LRRC37A2: variants seen among roughly 807,000 people sequenced by gnomAD.
The protein encoded by LRRC37A2 is leucine rich repeat containing 37 member A2.
A neutral mutation model predicts 68.8 loss-of-function variants in LRRC37A2; 9 were observed. That is an observed-to-expected ratio of 0.13 (90% CI 0.08 to 0.23). LRRC37A2 has a LOEUF of 0.23. LRRC37A2 is among the 10% of genes least tolerant of loss of function. The pLI is 1.00. For synonymous variants in LRRC37A2, 63 were observed against 367.6 expected, an observed-to-expected ratio of 0.17 and a Z score of 9.48; for missense variants, 168 against 950.4, an observed-to-expected ratio of 0.18 and a Z score of 10.82.
At chr17:46,872,655 C>T in the LRRC37A2 span, 46 of 1,613,662 alleles carry the variant, frequency 2.9e-5, no homozygotes, top group South Asian at 2.2e-4. Context: ...GGAGGGAGCC[C>T]GGCCTGGCTG....
chr17:46,971,109 C>T, the LRRC37A2 span, among the ~76,000 whole-genome samples: 2 of 152,030 alleles, frequency 1.3e-5, no homozygotes, highest in Non-Finnish European at 2.9e-5. Context: ...CCAGCACTTA[C>T]AGTGGATCAT....
the LRRC37A2 span, among the ~76,000 whole-genome samples, chr17:47,020,020 T>C: frequency 6.7e-6 from 1 of 148,748 alleles, no homozygotes; most frequent in Admixed American, 6.7e-5. Context: ...CTCGTTTTCG[T>C]ATCCATTTTT....
the LRRC37A2 span, among the ~76,000 whole-genome samples, chr17:46,928,868 G>C: frequency 6.6e-6 from 1 of 152,042 alleles, no homozygotes; most frequent in South Asian, 2.1e-4. Context: ...GCGATGCTCA[G>C]AACTCTTTCC....
chr17:46,956,111 G>A, the LRRC37A2 span, among the ~76,000 whole-genome samples: 1 of 152,088 alleles, frequency 6.6e-6, no homozygotes, highest in African/African-American at 2.4e-5. Flanking sequence ...CAGTTAGCAG[G>A]AGGGTCCATC....
chr17:46,872,352 T>C, the LRRC37A2 span, among the ~76,000 whole-genome samples: 4 of 152,232 alleles, frequency 2.6e-5, no homozygotes, highest in Non-Finnish European at 4.4e-5. Context: ...CTTTGTTACA[T>C]GAACCTTGGT....
At chr17:46,906,960 G>A in the LRRC37A2 span, among the ~76,000 whole-genome samples, 12 of 152,196 alleles carry the variant, frequency 7.9e-5, no homozygotes, top group South Asian at 4.1e-4. Flanking sequence ...TCATTTAGTC[G>A]TCACAAAAAA....
the LRRC37A2 span, among the ~76,000 whole-genome samples, chr17:46,844,764 T>C: frequency 6.6e-6 from 1 of 152,198 alleles, no homozygotes; most frequent in Non-Finnish European, 1.5e-5. Context: ...GGCATATTTT[T>C]AAACTTCTAG....
the LRRC37A2 span, among the ~76,000 whole-genome samples, chr17:46,946,970 C>T: frequency 6.6e-6 from 1 of 152,188 alleles, no homozygotes; most frequent in Non-Finnish European, 1.5e-5. Context: ...TGAGAGGAGG[C>T]TGCAACTGAC....
the LRRC37A2 span, among the ~76,000 whole-genome samples, chr17:46,881,717 C>T: frequency 1.3e-5 from 2 of 152,188 alleles, no homozygotes; most frequent in South Asian, 2.1e-4. Context: ...GAGACAGTCA[C>T]TAGGTGGGTA....
the LRRC37A2 span, among the ~76,000 whole-genome samples, chr17:46,900,118 G>C: frequency 7.0e-6 from 1 of 143,838 alleles, no homozygotes; most frequent in Non-Finnish European, 1.5e-5. Flanking sequence ...AATTCAACAG[G>C]AGTACAATTT....
chr17:46,661,416 G>T, the LRRC37A2 span, among the ~76,000 whole-genome samples: 1 of 67,206 alleles, frequency 1.5e-5, no homozygotes, highest in African/African-American at 6.2e-5. Flanking sequence ...TTATTTTTGA[G>T]ATGGAGTCTC....
At chr17:46,923,200 C>T in the LRRC37A2 span, 7 of 1,548,328 alleles carry the variant, frequency 4.5e-6, no homozygotes, top group Non-Finnish European at 5.2e-6. Flanking sequence ...GACATGGATC[C>T]CCTGTTCCAG....
the LRRC37A2 span, among the ~76,000 whole-genome samples, chr17:46,919,717 C>T: frequency 1.3e-5 from 2 of 152,124 alleles, no homozygotes; most frequent in Non-Finnish European, 2.9e-5. Context: ...GAGGCCAAAG[C>T]GGGTGGATCA....
the LRRC37A2 span, among the ~76,000 whole-genome samples, chr17:46,745,964 TC>T: frequency 6.6e-6 from 1 of 152,196 alleles, no homozygotes; most frequent in Non-Finnish European, 1.5e-5. Context: ...CCCTTCATCT[TC>T]CTAATCAACC....
the LRRC37A2 span, chr17:46,769,640 G>C: frequency 9.2e-7 from 1 of 1,082,708 alleles, no homozygotes; most frequent in South Asian, 1.4e-5. Flanking sequence ...TGTGGGGTGG[G>C]GAGGAGGCCA....
At chr17:46,845,634 G>A in the LRRC37A2 span, among the ~76,000 whole-genome samples, 1 of 151,312 alleles carries the variant, frequency 6.6e-6, no homozygotes, top group East Asian at 1.9e-4. Context: ...GGGACTACAG[G>A]TGCCCGCCAC....
the LRRC37A2 span, chr17:46,923,182 G>C: frequency 2.6e-6 from 4 of 1,537,266 alleles, no homozygotes; most frequent in South Asian, 1.2e-5. Context: ...GTGGCCTGCG[G>C]GGCCGGCGAC....
chr17:46,622,385 G>A, the LRRC37A2 span, among the ~76,000 whole-genome samples: 2 of 150,574 alleles, frequency 1.3e-5, no homozygotes, highest in East Asian at 2.0e-4. Flanking sequence ...GTGAACCCGG[G>A]AGGCGGAGCT....
the LRRC37A2 span, chr17:46,728,791 ACTG>A: frequency 9.2e-6 from 11 of 1,193,984 alleles, no homozygotes; most frequent in African/African-American, 1.6e-5. Context: ...AAAAACAAAA[ACTG>A]AATGTTTGGA....
Sources: allele counts gnomAD v4.1 joint callset (sites outside exome capture counted in the v4.1 genomes callset), GRCh38; gene constraint gnomAD v4.1.1; transcripts MANE v1.5; gene names NCBI Gene and HGNC (gene_info 2026-07-23, HGNC 2026-07-21).